Variants in PMP22 observed in about 807,000 individuals in gnomAD.
The protein encoded by PMP22 is peripheral myelin protein 22.
Under a neutral mutation model 18.9 loss-of-function variants are expected in PMP22, and 2 were observed. That is an observed-to-expected ratio of 0.11 (90% CI 0.04 to 0.33). PMP22 has a LOEUF of 0.33. PMP22 is among the 10% of genes least tolerant of loss of function. The pLI, the probability that PMP22 is intolerant of heterozygous loss-of-function variation, is 1.00. For synonymous variants in PMP22, 95 were observed against 89.2 expected (o/e 1.07, Z -0.37); for missense variants, 169 against 202.2 (o/e 0.84, Z 1.00).
At position 15,230,641 on chromosome 17, in the gene PMP22, A is replaced by G; in HGVS notation, c.*276T>C. ...ATACTGTTAGGATGTAAAGTTCCTT[A>G]GCTACTTCTTTAAGGCTCAACACGA... is the stretch of plus-strand genomic sequence containing the variant. On this transcript the variant is annotated 3_prime_UTR_variant, in exon 5 of 5. Coordinates refer to ENST00000312280, the MANE Select transcript of PMP22 (RefSeq NM_000304.4). 2.1e-6 allele frequency: 1 copy of G among 471,240 alleles called. No individual in the cohort carries two copies. The highest frequency in any genetic ancestry group is 3.9e-6 in the Non-Finnish European group (1 of 257,276). 29.2% of individuals were successfully genotyped at this position (471,240 alleles called of 1,614,324 possible). A position where few individuals can be genotyped will look rare whatever the true frequency, so the allele number is the denominator to read the frequency against.
chr17:15,259,114 C>T lies in PMP22; in HGVS notation c.158G>A (p.Cys53Tyr). The change falls in exon 3 of 5, where the codon TGT (cysteine) becomes TAT (tyrosine). Residue 53 changes from cysteine to tyrosine, a missense_variant. Physicochemically the swap from Cys to Tyr is radical, Grantham distance 194. Coordinates refer to ENST00000312280, the MANE Select transcript of PMP22 (RefSeq NM_000304.4). ...STSSSGNVHH[C>Y]FSSSPNEWLQ... ...CTCACCGTTTGGTGATGATGAGAAA[C>T]AGTGGTGGACATTTCCTGAGGAAGA... 3 of 1,613,588 alleles carry T rather than the reference C, an allele frequency of 1.9e-6. No homozygotes were observed. Among genetic ancestry groups the T allele is most frequent in the Non-Finnish European group, 2.5e-6 (3 of 1,179,496 alleles).
At position 15,258,872 on chromosome 17, in the gene PMP22, C is replaced by CT; in HGVS notation, c.178+221dup. ...GATCAGGAGGGCACTAAGGGCATGT[C>CT]TCTAGGTAGAGTGAATCACAATGAT... On this transcript the variant is annotated intron_variant, in intron 3 of 4. Transcript: ENST00000312280. The surrounding 1 kb of genome is among the most constrained non-coding windows in gnomAD (Gnocchi z 4.1). 3.2e-6 allele frequency: 2 copies of CT among 623,952 alleles called. No individual in the cohort carries two copies. The allele number at this position is 623,952 out of a possible 1,614,324, so 38.7% of individuals were successfully genotyped here. A position where few individuals can be genotyped will look rare whatever the true frequency, so the allele number is the denominator to read the frequency against.
intron 1 of PMP22, among the ~76,000 whole-genome samples, chr17:15,262,924 C>G (rs1157968825): frequency 6.6e-6 from 1 of 152,154 alleles, no homozygotes; most frequent in Non-Finnish European, 1.5e-5. Flanking sequence ...GGCCCGCCGA[C>G]GCCGACCGCG....
chr17:15,242,860 A>C (rs981637069), intron 3 of PMP22, among the ~76,000 whole-genome samples: 2 of 152,218 alleles, frequency 1.3e-5, no homozygotes, highest in African/African-American at 2.4e-5. Flanking sequence ...CATATACCTA[A>C]AGGCAAACAG....
At chr17:15,260,518 G>T in intron 2 of PMP22, 132 bp downstream of exon 2, 1 of 809,024 alleles carries the variant, frequency 1.2e-6, no homozygotes, top group South Asian at 1.4e-5. Flanking sequence ...CAGATTGCCA[G>T]AAACTTCCCT....
At chr17:15,253,537 C>T (rs1359400660) in intron 3 of PMP22, among the ~76,000 whole-genome samples, 4 of 152,102 alleles carry the variant, frequency 2.6e-5, no homozygotes, top group African/African-American at 9.7e-5. Flanking sequence ...ACTGAGAAAC[C>T]CGTGGAAGAC....
chr17:15,245,027 C>T (rs1907675480), intron 3 of PMP22, among the ~76,000 whole-genome samples: 1 of 152,098 alleles, frequency 6.6e-6, no homozygotes, highest in Non-Finnish European at 1.5e-5. Context: ...TCCACATGCC[C>T]AGGAAAACAA....
intron 4 of PMP22, 94 bp from the exon 5 acceptor site, chr17:15,231,174 A>AATGTTCTTCCTACCC: frequency 1.6e-6 from 2 of 1,250,030 alleles, no homozygotes; most frequent in Non-Finnish European, 2.3e-6. Context: ...GCTGGGTAGG[A>AATGTTCTTCCTACCC]AGAACATTTC....
chr17:15,257,290 G>A (rs1439031672), intron 3 of PMP22, among the ~76,000 whole-genome samples: 1 of 152,338 alleles, frequency 6.6e-6, no homozygotes, highest in East Asian at 1.9e-4. Flanking sequence ...ACATGCTACA[G>A]GTCAATATTG....
chr17:15,239,489 T>G lies in PMP22; in HGVS notation c.301A>C (p.Ile101Leu), dbSNP rs1461201721. 13 of 1,614,118 alleles carry G rather than the reference T, an allele frequency of 8.1e-6. No individual in the cohort carries two copies. The highest frequency in any genetic ancestry group is 1.0e-5 in the Non-Finnish European group (12 of 1,180,046). The stretch of plus-strand genomic sequence containing the variant: ...AACTTACCAGCAAGAATTTGGAAGA[T>G]TCCAGTGATGTAAAACCTGCCCCCC... The part of the protein sequence containing the change: ...TKGGRFYITG[I>L]FQILAGLCVM... The change falls in exon 4 of 5, where the codon ATC becomes CTC. Residue 101 changes from isoleucine (I) to leucine (L), a missense_variant. By Grantham distance (5) the Ile-to-Leu change is conservative. Coordinates refer to ENST00000312280, the MANE Select transcript of PMP22 (RefSeq NM_000304.4).
Position 15,235,957 on chromosome 17 carries a change from A to G in PMP22, c.319+3514T>C, listed in dbSNP as rs562345361. On this transcript the variant is annotated intron_variant, in intron 4 of 4. Transcript: ENST00000312280. ...TTATTTTTAGTAGAGACAGGGTTTC[A>G]CCATGTTGGCCGGGCTGGTCTTGAA... is the stretch of plus-strand genomic sequence containing the variant. Among the ~76,000 whole-genome samples, 69 of 151,784 alleles carry G rather than the reference A, an allele frequency of 4.5e-4. 2 individuals carry two copies. In the South Asian group the frequency reaches 0.014, roughly 31 times the overall value.
Position 15,261,258 on chromosome 17 carries a change from C to T in PMP22, c.-34-497G>A. 6.5e-6 allele frequency: 1 copy of T among 153,094 alleles called. No homozygotes were observed. The highest frequency in any genetic ancestry group is 1.5e-5 in the Non-Finnish European group (1 of 68,762). 9.5% of individuals were successfully genotyped at this position (153,094 alleles called of 1,614,324 possible). On this transcript the variant is annotated intron_variant, in intron 1 of 4. Coordinates refer to ENST00000312280, the MANE Select transcript of PMP22 (RefSeq NM_000304.4). The surrounding 1 kb of genome is among the most constrained non-coding windows in gnomAD (Gnocchi z 5.2). ...GAGACCTGGAGACAGCCGTGGCATG[C>T]GGTGGGGGAGACAGCGGCGAGGAGG...
rs1323710752 is a variant in PMP22, at chr17:15,258,395, G to C, written c.178+699C>G. ...TCCCTCTGGGTGCCTTGGGTACCTAGTTGGTGCTTCTGCTGCCAATTATCC... is the reference window on the plus strand; with the variant it reads ...TCCCTCTGGGTGCCTTGGGTACCTACTTGGTGCTTCTGCTGCCAATTATCC... On this transcript the variant is annotated intron_variant, in intron 3 of 4. Transcript: ENST00000312280. The surrounding 1 kb of genome is among the most constrained non-coding windows in gnomAD (Gnocchi z 4.1). 6.6e-6 allele frequency among the ~76,000 whole-genome samples: 1 copy of C among 152,136 alleles called. No homozygotes were observed. Among genetic ancestry groups the C allele is most frequent in the Non-Finnish European group, 1.5e-5 (1 of 68,042 alleles).
rs231019 is a variant in PMP22 at position 15,261,492 on chromosome 17, C to A, written c.-34-731G>T. On this transcript the variant is annotated intron_variant, in intron 1 of 4. Coordinates refer to ENST00000312280, the MANE Select transcript of PMP22 (RefSeq NM_000304.4). This position sits in a 1 kb window ranked among gnomAD's most constrained non-coding sequence, Gnocchi z 5.2. ...GACCCTGCGCTTCCCGTCCACCGCG[C>A]GCTTCCCCAGGCAGCCCCTGGGGTC... 58,669 of 152,288 alleles carry A rather than the reference C, an allele frequency of 0.39. 12,482 individuals are homozygous for A. Among genetic ancestry groups the A allele is most frequent in the Non-Finnish European group, 0.48 (32,589 of 68,188 alleles). 9.4% of individuals were successfully genotyped at this position (152,288 alleles called of 1,614,324 possible).
Position 15,236,343 on chromosome 17 carries a change from T to C in PMP22, c.319+3128A>G, listed in dbSNP as rs114135612. On this transcript the variant is annotated intron_variant, in intron 4 of 4. Coordinates refer to ENST00000312280, the MANE Select transcript of PMP22 (RefSeq NM_000304.4). ...TCAGCTCCAAGAGCCCTAGCACCTT[T>C]CATGTGCTTTTCCTGAAAGCTGATG... is the stretch of plus-strand genomic sequence containing the variant. 5.8e-3 allele frequency among the ~76,000 whole-genome samples: 882 copies of C among 152,210 alleles called. 6 individuals are homozygous for C. The highest frequency in any genetic ancestry group is 0.02 in the African/African-American group (827 of 41,534).
chr17:15,231,663 T>A (rs1906363010), intron 4 of PMP22, among the ~76,000 whole-genome samples: 1 of 151,890 alleles, frequency 6.6e-6, no homozygotes, highest in African/African-American at 2.4e-5. Context: ...AAGAAATGTG[T>A]GGAGAGGGAA....
intron 2 of PMP22, among the ~76,000 whole-genome samples, chr17:15,260,048 T>A (rs1471838051): frequency 4.6e-5 from 7 of 152,156 alleles, no homozygotes; most frequent in Admixed American, 3.9e-4. Context: ...ACTGCCTGAA[T>A]GTCTGCTCAT....
chr17:15,250,444 C>T (rs969255254), intron 3 of PMP22, among the ~76,000 whole-genome samples: 3 of 152,206 alleles, frequency 2.0e-5, no homozygotes, highest in African/African-American at 7.2e-5. Flanking sequence ...TGACTCTTGA[C>T]TTTGAATTTC....
chr17:15,253,118 G>T (rs1445016546), intron 3 of PMP22, among the ~76,000 whole-genome samples: 3 of 152,114 alleles, frequency 2.0e-5, no homozygotes, highest in Non-Finnish European at 4.4e-5. Flanking sequence ...AGGGTCTTGG[G>T]GAGGAGGCTT....
Sources: gnomAD v4.1 joint callset for allele counts (sites outside exome capture counted in the v4.1 genomes callset) on GRCh38, gnomAD v4.1.1 for gene constraint, Gnocchi (gnomAD v3.1) non-coding constraint, MANE v1.5 for transcripts, NCBI Gene and HGNC (gene_info 2026-07-23, HGNC 2026-07-21) for gene names.